Variants in ADAMTS12 observed in about 807,000 individuals in gnomAD.
ADAMTS12 encodes the protein A disintegrin and metalloproteinase with thrombospondin motifs 12.
ADAMTS12 carries 118 observed loss-of-function variants against 167.8 expected under a neutral mutation model. The ratio of observed to expected loss-of-function variants is 0.70; its 90% CI spans 0.61 to 0.82. The LOEUF is 0.82. ADAMTS12 is among the 40% of genes least tolerant of loss of function. The pLI is 0.00. For synonymous variants in ADAMTS12, 704 were observed against 716.9 expected, an observed-to-expected ratio of 0.98 and a Z score of 0.29; for missense variants, 1,916 against 1,998.8, an observed-to-expected ratio of 0.96 and a Z score of 0.79.
intron 7 of ADAMTS12, among the ~76,000 whole-genome samples, chr5:33,656,149 C>T (rs767585503): frequency 1.3e-5 from 2 of 152,136 alleles, no homozygotes; most frequent in Non-Finnish European, 2.9e-5. Context: ...TTCCACAATG[C>T]ATCAGATAGT....
intron 2 of ADAMTS12, among the ~76,000 whole-genome samples, chr5:33,775,960 A>C (rs549445263): frequency 6.6e-6 from 1 of 152,356 alleles, no homozygotes; most frequent in African/African-American, 2.4e-5. Flanking sequence ...TTAAGTCAAA[A>C]ACTGTCACAA....
chr5:33,792,913 A>G (rs1392392174), intron 2 of ADAMTS12, among the ~76,000 whole-genome samples: 2 of 152,196 alleles, frequency 1.3e-5, no homozygotes, highest in Non-Finnish European at 2.9e-5. Flanking sequence ...ACAGAAGTCA[A>G]TCTCCCAAGG....
intron 3 of ADAMTS12, among the ~76,000 whole-genome samples, chr5:33,739,304 C>CCATA (rs1398136525): frequency 1.3e-5 from 2 of 151,176 alleles, no homozygotes; most frequent in East Asian, 3.9e-4. Flanking sequence ...CACACATTCT[C>CCATA]CATACACACA....
At chr5:33,674,393 T>C (rs901587908) in intron 5 of ADAMTS12, among the ~76,000 whole-genome samples, 11 of 152,320 alleles carry the variant, frequency 7.2e-5, no homozygotes, top group South Asian at 2.1e-4. Context: ...TTTCTGCACA[T>C]CATCTGAGCA....
At chr5:33,597,112 C>T (rs183295329) in intron 16 of ADAMTS12, among the ~76,000 whole-genome samples, 33 of 152,146 alleles carry the variant, frequency 2.2e-4, no homozygotes, top group South Asian at 4.2e-4. Flanking sequence ...ATCTGACAGG[C>T]GAAGAAACTG....
chr5:33,853,403 A>G (rs574647315), intron 2 of ADAMTS12, among the ~76,000 whole-genome samples: 50 of 152,322 alleles, frequency 3.3e-4, no homozygotes, highest in African/African-American at 1.2e-3. Flanking sequence ...GACAAGAATT[A>G]AAGAGCATGA....
chr5:33,780,283 T>A (rs1746078091), intron 2 of ADAMTS12, among the ~76,000 whole-genome samples: 1 of 152,088 alleles, frequency 6.6e-6, no homozygotes, highest in African/African-American at 2.4e-5. Context: ...AAAAAGGAGA[T>A]CAGATGAGTT....
At chr5:33,713,299 T>C (rs1743473212) in intron 3 of ADAMTS12, among the ~76,000 whole-genome samples, 2 of 152,192 alleles carry the variant, frequency 1.3e-5, no homozygotes, top group Non-Finnish European at 2.9e-5. Context: ...GTTAGCTCAC[T>C]GCTGTGGAAA....
At chr5:33,689,988 C>G (rs4866361) in intron 3 of ADAMTS12, among the ~76,000 whole-genome samples, 34,224 of 152,220 alleles carry the variant, frequency 0.22, 4,033 homozygotes, top group East Asian at 0.42. Flanking sequence ...TGGGGTTCTT[C>G]CAGTTCTAGT....
chr5:33,730,510 T>G (rs1417980723), intron 3 of ADAMTS12, among the ~76,000 whole-genome samples: 1 of 152,206 alleles, frequency 6.6e-6, no homozygotes, highest in Non-Finnish European at 1.5e-5. Flanking sequence ...TATTTTTATT[T>G]TTTCCTATAG....
chr5:33,804,266 C>T (rs1747133283), intron 2 of ADAMTS12, among the ~76,000 whole-genome samples: 1 of 152,188 alleles, frequency 6.6e-6, no homozygotes, highest in Non-Finnish European at 1.5e-5. Flanking sequence ...ACTTTGGGCT[C>T]ATCTATGTGA....
intron 2 of ADAMTS12, among the ~76,000 whole-genome samples, chr5:33,778,449 T>C (rs764397234): frequency 1.4e-4 from 21 of 151,456 alleles, no homozygotes; most frequent in Non-Finnish European, 2.6e-4. Context: ...ATAAATGGTG[T>C]TGGGAAGACT....
intron 3 of ADAMTS12, among the ~76,000 whole-genome samples, chr5:33,730,778 T>C (rs1251842626): frequency 2.0e-5 from 3 of 152,234 alleles, no homozygotes; most frequent in African/African-American, 7.2e-5. Flanking sequence ...TCACAAATTC[T>C]CAACTGGACC....
At chr5:33,566,167 G>C (rs1013021960) in intron 19 of ADAMTS12, among the ~76,000 whole-genome samples, 1 of 152,084 alleles carries the variant, frequency 6.6e-6, no homozygotes, top group African/African-American at 2.4e-5. Context: ...AGTTCAAATG[G>C]AATAGCCAAA....
intron 6 of ADAMTS12, among the ~76,000 whole-genome samples, chr5:33,660,079 C>T (rs996071064): frequency 5.9e-5 from 9 of 152,104 alleles, no homozygotes; most frequent in Non-Finnish European, 1.3e-4. Flanking sequence ...AATCATCAGC[C>T]CCAAATGTTA....
intron 2 of ADAMTS12, among the ~76,000 whole-genome samples, chr5:33,755,763 C>T (rs1182913956): frequency 6.6e-6 from 1 of 152,202 alleles, no homozygotes; most frequent in African/African-American, 2.4e-5. Context: ...CTTCTGAAAC[C>T]ATCACCCTGC....
At chr5:33,582,118 C>T (rs114797608) in intron 18 of ADAMTS12, among the ~76,000 whole-genome samples, 2 of 152,120 alleles carry the variant, frequency 1.3e-5, no homozygotes, top group South Asian at 2.1e-4. Context: ...GGGCAGCCCT[C>T]GGGAGCTAAG....
At chr5:33,574,852 TACTTC>T (rs566221498) in intron 19 of ADAMTS12, among the ~76,000 whole-genome samples, 396 of 152,340 alleles carry the variant, frequency 2.6e-3, no homozygotes, top group Middle Eastern at 6.8e-3. Flanking sequence ...GCTAATAGTT[TACTTC>T]ACTTTAACTG....
intron 2 of ADAMTS12, among the ~76,000 whole-genome samples, chr5:33,770,200 G>A (rs529349620): frequency 6.6e-6 from 1 of 152,262 alleles, no homozygotes; most frequent in South Asian, 2.1e-4. Flanking sequence ...CTTTGAAGAG[G>A]AAATGGCCTT....
Sources: allele counts gnomAD v4.1 joint callset (sites outside exome capture counted in the v4.1 genomes callset), GRCh38; gene constraint gnomAD v4.1.1; transcripts MANE v1.5; gene names NCBI Gene and HGNC (gene_info 2026-07-23, HGNC 2026-07-21).